PHACTR3: variants seen among roughly 807,000 people sequenced by gnomAD.
PHACTR3 encodes the protein phosphatase and actin regulator 3.
In PHACTR3, 16 loss-of-function variants were observed where a neutral mutation model predicts 66.8. That is an observed-to-expected ratio of 0.24 (90% confidence interval 0.16 to 0.36). The LOEUF (loss-of-function observed/expected upper bound fraction) is 0.36. Ranked by LOEUF, PHACTR3 falls within the 10% of genes least tolerant of loss-of-function variation. PHACTR3 has a pLI of 1.00. For synonymous variants in PHACTR3, 323 were observed against 292.1 expected, an observed-to-expected ratio of 1.11 and a Z score of -1.08; for missense variants, 647 against 719.9, an observed-to-expected ratio of 0.90 and a Z score of 1.16.
intron 1 of PHACTR3, among the ~76,000 whole-genome samples, chr20:59,737,554 G>A (rs1190019924): frequency 6.6e-6 from 1 of 151,944 alleles, no homozygotes; most frequent in Non-Finnish European, 1.5e-5. Context: ...GCATGTGTGT[G>A]TCTCTGTGTG....
At chr20:59,628,503 G>A (rs1173023844) in intron 1 of PHACTR3, 3 of 392,034 alleles carry the variant, frequency 7.7e-6, no homozygotes, top group Admixed American at 6.4e-5. Context: ...TTTGGCCCTC[G>A]GAGTGCAGCC....
chr20:59,832,827 G>A (rs6100618), intron 8 of PHACTR3, among the ~76,000 whole-genome samples: 3,009 of 152,272 alleles, frequency 0.02, 122 homozygotes, highest in African/African-American at 0.068. Flanking sequence ...ATCATCCTCT[G>A]GATCCCAACT....
intron 1 of PHACTR3, among the ~76,000 whole-genome samples, chr20:59,593,680 G>A (rs1472498475): frequency 6.6e-6 from 1 of 152,150 alleles, no homozygotes; most frequent in Non-Finnish European, 1.5e-5. Context: ...TTTGTGAAGG[G>A]TGTAAGGCTT....
intron 1 of PHACTR3, among the ~76,000 whole-genome samples, chr20:59,670,967 G>A (rs908225809): frequency 1.3e-5 from 2 of 152,122 alleles, no homozygotes; most frequent in Non-Finnish European, 2.9e-5. Flanking sequence ...AGGGCTAGAG[G>A]CATGCTTTCT....
At chr20:59,722,231 CA>C (rs1201824305) in intron 1 of PHACTR3, among the ~76,000 whole-genome samples, 8 of 100,620 alleles carry the variant, frequency 8.0e-5, no homozygotes, top group Non-Finnish European at 4.1e-5. Flanking sequence ...GACTCTGTCT[CA>C]AAAAAAAAAG....
intron 1 of PHACTR3, among the ~76,000 whole-genome samples, chr20:59,670,608 G>GGGT: frequency 1.4e-5 from 2 of 138,202 alleles, no homozygotes; most frequent in Non-Finnish European, 3.2e-5. Flanking sequence ...CCGGGGGTGG[G>GGGT]GGGGGGGGGC....
At position 59,659,826 on chromosome 20, in the gene PHACTR3, C is replaced by T. The variant is rs547446945; in HGVS notation, c.118+54694C>T. On this transcript the variant is annotated intron_variant, in intron 1 of 12. Transcript: ENST00000371015. ...ATATCTGCAGTACTAGCTTTCTGAA[C>T]CTTGGAGTGCTTTGACCATGCCACA... Among the ~76,000 whole-genome samples the T allele has an allele frequency of 4.6e-5, 7 of 152,236 alleles. No individual in the cohort carries two copies. The South Asian group carries it at 1.5e-3, about 32-fold the overall frequency.
intron 2 of PHACTR3, 100 bp from the exon 3 acceptor site, chr20:59,747,658 T>C: frequency 7.3e-7 from 1 of 1,379,138 alleles, no homozygotes; most frequent in Admixed American, 1.9e-5. Flanking sequence ...TAGCTCAGTG[T>C]TTTTGGTCTG....
chr20:59,846,526 A>C (rs1250385648), intron 12 of PHACTR3, among the ~76,000 whole-genome samples: 1 of 152,156 alleles, frequency 6.6e-6, no homozygotes, highest in Non-Finnish European at 1.5e-5. Flanking sequence ...TCTTAAATAG[A>C]ATGAATACAT....
intron 3 of PHACTR3, among the ~76,000 whole-genome samples, chr20:59,748,662 A>G (rs2039460440): frequency 6.6e-6 from 1 of 152,158 alleles, no homozygotes; most frequent in Admixed American, 6.5e-5. Context: ...CTGAGAGGCT[A>G]AATCTTGGTT....
intron 1 of PHACTR3, among the ~76,000 whole-genome samples, chr20:59,635,101 C>CTCTTTCTT (rs1357018312): frequency 0.03 from 2,744 of 92,738 alleles, 184 homozygotes; most frequent in East Asian, 0.07. Flanking sequence ...TTCTTTCTCT[C>CTCTTTCTT]TCTTTCTTTC....
rs183724887 is a variant in PHACTR3, at chr20:59,640,183, G to A, written c.118+35051G>A. On this transcript the variant is annotated intron_variant, in intron 1 of 12. Transcript: ENST00000371015. ...AATATTGGGAAAGATTCTTAACCTT[G>A]GATGGTTGGTAGGATCAAGTACAGT... Among the ~76,000 whole-genome samples, 21 of 152,348 alleles carry A rather than the reference G, an allele frequency of 1.4e-4. No homozygotes were observed. In the East Asian group the frequency reaches 3.7e-3, roughly 27 times the overall value.
At chr20:59,610,589 T>A (rs1007127342) in intron 1 of PHACTR3, among the ~76,000 whole-genome samples, 6 of 152,282 alleles carry the variant, frequency 3.9e-5, no homozygotes, top group Non-Finnish European at 8.8e-5. Flanking sequence ...AAATTAAGAT[T>A]CTGTTTCCTC....
chr20:59,579,995 A>G (rs1294964227), intron 1 of PHACTR3, among the ~76,000 whole-genome samples: 3 of 152,084 alleles, frequency 2.0e-5, no homozygotes, highest in Non-Finnish European at 4.4e-5. Flanking sequence ...CGTGCTGACC[A>G]TGGTGATTTG....
At chr20:59,657,209 C>T (rs6064825) in intron 1 of PHACTR3, among the ~76,000 whole-genome samples, 44,836 of 151,698 alleles carry the variant, frequency 0.3, 8,555 homozygotes, top group Non-Finnish European at 0.43. Flanking sequence ...GCGTTATTGT[C>T]AAACATTTTA....
In PHACTR3 at chr20:59,670,605, T is replaced by TTGGGGGGG. The variant is rs34824435; in HGVS notation, c.118+65473_118+65474insTGGGGGGG. On this transcript the variant is annotated intron_variant, in intron 1 of 12. Coordinates refer to ENST00000371015, the MANE Select transcript of PHACTR3 (RefSeq NM_080672.5). ...AATGAGGACAGGCATCTGCCGGGGG[T>TTGGGGGGG]GGGGGGGGGGGGCAGGCACTTTTAC... 7.6e-4 allele frequency among the ~76,000 whole-genome samples: 36 copies of TTGGGGGGG among 47,168 alleles called. 4 individuals are homozygous for TTGGGGGGG. Among genetic ancestry groups the TTGGGGGGG allele is most frequent in the South Asian group, 1.9e-3 (2 of 1,028 alleles). The allele number at this position is 47,168 out of a possible 152,430, so 30.9% of individuals were successfully genotyped here. A position where few individuals can be genotyped will look rare whatever the true frequency, so the allele number is the denominator to read the frequency against.
chr20:59,700,663 G>A (rs1265218628), intron 1 of PHACTR3, among the ~76,000 whole-genome samples: 1 of 152,230 alleles, frequency 6.6e-6, no homozygotes, highest in Non-Finnish European at 1.5e-5. Flanking sequence ...GAGTGAGCAG[G>A]TGGGGGCATA....
At chr20:59,744,623 C>T (rs1442600317) in intron 2 of PHACTR3, among the ~76,000 whole-genome samples, 1 of 152,210 alleles carries the variant, frequency 6.6e-6, no homozygotes, top group Non-Finnish European at 1.5e-5. Context: ...AGGCGGCCAA[C>T]ACCGACAGCA....
intron 8 of PHACTR3, among the ~76,000 whole-genome samples, chr20:59,815,584 C>G (rs2041865492): frequency 6.6e-6 from 1 of 152,028 alleles, no homozygotes; most frequent in East Asian, 1.9e-4. Context: ...ACCACCATGC[C>G]CAGCTAACTT....
Sources: allele counts gnomAD v4.1 joint callset (sites outside exome capture counted in the v4.1 genomes callset), GRCh38; gene constraint gnomAD v4.1.1; transcripts MANE v1.5; gene names NCBI Gene and HGNC (gene_info 2026-07-23, HGNC 2026-07-21).